MYO5A: variants seen among roughly 807,000 people sequenced by gnomAD.
The protein encoded by MYO5A is myosin VA.
MYO5A carries 98 observed loss-of-function variants against 249.7 expected under a neutral mutation model. That is an observed-to-expected ratio of 0.39 (90% CI 0.33 to 0.46). The LOEUF is 0.46. Ranked by LOEUF, MYO5A falls within the 20% of genes least tolerant of loss-of-function variation. MYO5A has a pLI of 0.98. For synonymous variants in MYO5A, 778 were observed against 810.6 expected (o/e 0.96, Z 0.68); for missense variants, 1,696 against 2,308.8 (o/e 0.73, Z 5.44).
At chr15:52,518,856 T>C (rs552687406) in intron 1 of MYO5A, among the ~76,000 whole-genome samples, 1 of 152,342 alleles carries the variant, frequency 6.6e-6, no homozygotes, top group African/African-American at 2.4e-5. Context: ...TCCTTTGTGA[T>C]GTCAGATCAG....
chr15:52,510,506 G>C (rs934397971), intron 1 of MYO5A, among the ~76,000 whole-genome samples: 7 of 152,298 alleles, frequency 4.6e-5, no homozygotes, highest in Admixed American at 4.6e-4. Flanking sequence ...TGGCCTGTTA[G>C]GAACCGGGCC....
chr15:52,424,520 A>C (rs2075353551), intron 4 of MYO5A, among the ~76,000 whole-genome samples: 2 of 152,312 alleles, frequency 1.3e-5, no homozygotes, highest in Non-Finnish European at 2.9e-5. Flanking sequence ...GTTAGCTGCT[A>C]TTAGAAGTAT....
intron 25 of MYO5A, among the ~76,000 whole-genome samples, chr15:52,356,644 A>G (rs530210677): frequency 6.6e-6 from 1 of 151,710 alleles, no homozygotes; most frequent in East Asian, 1.9e-4. Context: ...TTAACTTCTT[A>G]AAAGTCCATT....
chr15:52,471,737 GC>G (rs2076477049), intron 1 of MYO5A, among the ~76,000 whole-genome samples: 1 of 152,048 alleles, frequency 6.6e-6, no homozygotes, highest in African/African-American at 2.4e-5. Flanking sequence ...TCATTCTGTT[GC>G]CCCAGGCTGA....
intron 1 of MYO5A, among the ~76,000 whole-genome samples, chr15:52,460,241 G>A (rs911027488): frequency 5.9e-5 from 9 of 152,274 alleles, no homozygotes; most frequent in Admixed American, 4.6e-4. Flanking sequence ...TTCCTATACG[G>A]GGTGGCGGCC....
rs139521817 is a variant in MYO5A at position 52,505,835 on chromosome 15, T to C, written c.27+22945A>G. On this transcript the variant is annotated intron_variant, in intron 1 of 41. Transcript: ENST00000399233. ...GCGTTTGAGGACTATGTGCAGCCCATGGATGTGGCTGCTTTCAACAAGATC... is the reference window on the plus strand; with the variant it reads ...GCGTTTGAGGACTATGTGCAGCCCACGGATGTGGCTGCTTTCAACAAGATC... 6.6e-4 allele frequency: 1,053 copies of C among 1,589,134 alleles called. 10 individuals carry two copies. In the African/African-American group the frequency reaches 0.011, roughly 16 times the overall value.
intron 22 of MYO5A, among the ~76,000 whole-genome samples, chr15:52,367,726 G>A (rs1458246907): frequency 2.0e-5 from 3 of 152,106 alleles, no homozygotes; most frequent in Non-Finnish European, 4.4e-5. Context: ...CTCCCTTTAA[G>A]AGTTTTACAA....
In MYO5A at chr15:52,321,486, A is replaced by G. The variant is rs368705747; in HGVS notation, c.4824T>C (p.Ser1608=). Residue 1608 remains serine (S), a synonymous_variant, in exon 38 of 42, where the codon TCT becomes TCC. Coordinates refer to ENST00000399233, the MANE Select transcript of MYO5A (RefSeq NM_001382347.1). ...GEEGFMKHNT[S]RQNEHCLTNF... is the part of the protein sequence containing the mutation. ...TGGTGAGGCAGTGTTCATTCTGGCGAGATGTGTTGTGCTTCATAAAGCCCT... is the reference window on the plus strand; with the variant it reads ...TGGTGAGGCAGTGTTCATTCTGGCGGGATGTGTTGTGCTTCATAAAGCCCT... The G allele has an allele frequency of 1.9e-6, 3 of 1,614,116 alleles. No homozygotes were observed. Among genetic ancestry groups the G allele is most frequent in the Non-Finnish European group, 2.5e-6 (3 of 1,180,048 alleles).
chr15:52,475,898 T>G (rs1015744429), intron 1 of MYO5A, among the ~76,000 whole-genome samples: 3 of 152,242 alleles, frequency 2.0e-5, no homozygotes, highest in Non-Finnish European at 2.9e-5. Context: ...TAGATGTCTA[T>G]TAGGTACACT....
At chr15:52,524,016 A>T (rs960246037) in intron 1 of MYO5A, among the ~76,000 whole-genome samples, 5 of 152,260 alleles carry the variant, frequency 3.3e-5, no homozygotes, top group Non-Finnish European at 5.9e-5. Flanking sequence ...AATCTAGGCC[A>T]TGTGGCTCCT....
At chr15:52,487,446 G>A (rs987590222) in intron 1 of MYO5A, among the ~76,000 whole-genome samples, 8 of 151,758 alleles carry the variant, frequency 5.3e-5, no homozygotes, top group African/African-American at 7.3e-5. Flanking sequence ...AATAAGGGCC[G>A]GGTATGGTGG....
intron 2 of MYO5A, among the ~76,000 whole-genome samples, 178 bp from the exon 3 acceptor site, chr15:52,428,747 T>C (rs2075451860): frequency 6.6e-6 from 1 of 152,224 alleles, no homozygotes; most frequent in Non-Finnish European, 1.5e-5. Flanking sequence ...GAAGTGCGTT[T>C]TCATTAGACA....
chr15:52,399,365 G>A (rs1378888355), intron 9 of MYO5A, among the ~76,000 whole-genome samples: 4 of 152,056 alleles, frequency 2.6e-5, no homozygotes, highest in Admixed American at 1.3e-4. Context: ...TGGTACAATC[G>A]TACCTCACTG....
rs142363419 is a variant in MYO5A at position 52,451,211 on chromosome 15, T to C, written c.28-17926A>G. ...GCACCTCTACGCAGATAGTTGCTCC[T>C]GGGAAAAAAACTGATACTCAGGACT... is the stretch of plus-strand genomic sequence containing the variant. On this transcript the variant is annotated intron_variant, in intron 1 of 41. Transcript: ENST00000399233. Among the ~76,000 whole-genome samples, 835 of 152,228 alleles carry C rather than the reference T, an allele frequency of 5.5e-3. 10 individuals are homozygous for C. Among genetic ancestry groups the C allele is most frequent in the African/African-American group, 0.019 (803 of 41,520 alleles).
At chr15:52,391,800 A>T in intron 12 of MYO5A, 130 bp downstream of exon 12, 1 of 915,158 alleles carries the variant, frequency 1.1e-6, no homozygotes, top group Non-Finnish European at 1.7e-6. Context: ...TTGGAATGAA[A>T]GCATAACCCC....
chr15:52,507,805 A>G (rs34652505), intron 1 of MYO5A, among the ~76,000 whole-genome samples: 1 of 140,626 alleles, frequency 7.1e-6, no homozygotes, highest in Non-Finnish European at 1.6e-5. Flanking sequence ...CCCTGTCCCC[A>G]AAAAAAAAAA....
intron 9 of MYO5A, among the ~76,000 whole-genome samples, chr15:52,403,088 A>G (rs2042833465): frequency 6.6e-6 from 1 of 152,200 alleles, no homozygotes; most frequent in South Asian, 2.1e-4. Flanking sequence ...CTCAAATAGG[A>G]AAACAGTACA....
intron 1 of MYO5A, among the ~76,000 whole-genome samples, chr15:52,488,025 T>C (rs569872347): frequency 6.6e-6 from 1 of 152,188 alleles, no homozygotes; most frequent in Non-Finnish European, 1.5e-5. Context: ...TCAATGGCCA[T>C]GTATTTGTGA....
chr15:52,356,408 T>C (rs2040221678), intron 25 of MYO5A, among the ~76,000 whole-genome samples: 1 of 152,150 alleles, frequency 6.6e-6, no homozygotes, highest in Non-Finnish European at 1.5e-5. Context: ...TCTATGCATC[T>C]ATAGATTTAA....
Sources: allele counts gnomAD v4.1 joint callset (sites outside exome capture counted in the v4.1 genomes callset), GRCh38; gene constraint gnomAD v4.1.1; transcripts MANE v1.5; gene names NCBI Gene and HGNC (gene_info 2026-07-23, HGNC 2026-07-21).